EEA1: variants seen among roughly 807,000 people sequenced by gnomAD.
EEA1 encodes early endosome antigen 1, 162kD.
EEA1 carries 111 observed loss-of-function variants against 209.2 expected under a neutral mutation model. The observed-to-expected ratio is 0.53, with a 90% CI of 0.45 to 0.62. The LOEUF (loss-of-function observed/expected upper bound fraction) is 0.62, where lower values mean the gene tolerates loss of function less well. Among genes scored for constraint, EEA1 ranks in the 20% least tolerant of loss-of-function variants. The pLI is 0.00. For synonymous variants in EEA1, 536 were observed against 540.6 expected, an observed-to-expected ratio of 0.99 and a Z score of 0.12; for missense variants, 1,343 against 1,530.8, an observed-to-expected ratio of 0.88 and a Z score of 2.05.
At chr12:92,789,628 C>G (rs1874306069) in intron 21 of EEA1, among the ~76,000 whole-genome samples, 1 of 152,170 alleles carries the variant, frequency 6.6e-6, no homozygotes, top group Non-Finnish European at 1.5e-5. Context: ...GAAGCTCGAA[C>G]TGGGTGGAGC....
intron 2 of EEA1, among the ~76,000 whole-genome samples, chr12:92,889,935 AG>A (rs376007826): frequency 6.6e-6 from 1 of 152,170 alleles, no homozygotes; most frequent in African/African-American, 2.4e-5. Flanking sequence ...AGAAAGAAGA[AG>A]ATACACAAAA....
At chr12:92,861,498 CT>C (rs1490756709) in intron 3 of EEA1, among the ~76,000 whole-genome samples, 2 of 152,142 alleles carry the variant, frequency 1.3e-5, no homozygotes, top group Non-Finnish European at 2.9e-5. Flanking sequence ...ATATCTTCCC[CT>C]GCTGGATTCA....
rs1489462764 is a variant in EEA1 at position 92,773,249 on chromosome 12, G to A, written c.*2762C>T. 6.6e-6 allele frequency: 1 copy of A among 151,680 alleles called. No individual in the cohort carries two copies. The highest frequency in any genetic ancestry group is 1.5e-5 in the Non-Finnish European group (1 of 67,580). 9.4% of individuals were successfully genotyped at this position (151,680 alleles called of 1,614,324 possible). ...GCTAAACATTTTTATGCAAATGTAA[G>A]GTTAAAAAAAAGTGGCTTTAAAGTT... On this transcript the variant is annotated 3_prime_UTR_variant, in exon 29 of 29. Transcript: ENST00000322349.
chr12:92,858,668 T>C, intron 3 of EEA1: 2 of 737,838 alleles, frequency 2.7e-6, no homozygotes, highest in East Asian at 2.7e-5. Context: ...TGAGGTGCTA[T>C]GCTTCCCATC....
intron 1 of EEA1, among the ~76,000 whole-genome samples, chr12:92,903,130 G>T (rs796956005): frequency 4.3e-4 from 65 of 151,396 alleles, no homozygotes; most frequent in African/African-American, 1.6e-3. Context: ...GTAGAGACAG[G>T]GTTTCACCGT....
chr12:92,867,596 GC>G (rs1200354207), intron 2 of EEA1, among the ~76,000 whole-genome samples: 2 of 152,094 alleles, frequency 1.3e-5, no homozygotes, highest in Non-Finnish European at 2.9e-5. Context: ...GAATGCTGAT[GC>G]CAAAAAATGT....
chr12:92,789,452 T>A (rs1874295703), intron 21 of EEA1, among the ~76,000 whole-genome samples: 1 of 152,094 alleles, frequency 6.6e-6, no homozygotes. Context: ...CTTATATCCA[T>A]GTATCTTCCT....
At chr12:92,788,121 G>A in intron 21 of EEA1, 72 bp from the exon 22 acceptor site, 1 of 1,302,582 alleles carries the variant, frequency 7.7e-7, no homozygotes, top group African/African-American at 1.5e-5. Context: ...GTAAAATCCA[G>A]ACAACTAGAA....
At chr12:92,837,452 G>C (rs910216200) in intron 10 of EEA1, among the ~76,000 whole-genome samples, 6 of 152,222 alleles carry the variant, frequency 3.9e-5, no homozygotes, top group South Asian at 2.1e-4. Context: ...GCATGTGAGC[G>C]TCTTAGAACT....
chr12:92,816,129 A>G, intron 15 of EEA1, 71 bp downstream of exon 15: 1 of 1,369,406 alleles, frequency 7.3e-7, no homozygotes, highest in South Asian at 1.3e-5. Context: ...GTAAAAAGAG[A>G]TAGAAACAGA....
At chr12:92,863,493 G>A (rs903542311) in intron 3 of EEA1, among the ~76,000 whole-genome samples, 11 of 152,316 alleles carry the variant, frequency 7.2e-5, no homozygotes, top group Non-Finnish European at 1.5e-4. Context: ...AGCCCCAGAT[G>A]AGCTCCCAGC....
intron 21 of EEA1, among the ~76,000 whole-genome samples, chr12:92,790,662 G>T (rs1874360632): frequency 1.3e-5 from 2 of 152,220 alleles, no homozygotes. Context: ...GTACCTGAAG[G>T]TGATGGGGAG....
chr12:92,924,365 G>A (rs1347094861), intron 1 of EEA1, among the ~76,000 whole-genome samples: 2 of 151,702 alleles, frequency 1.3e-5, no homozygotes, highest in Non-Finnish European at 2.9e-5. Context: ...CCGCCACCAC[G>A]CCCAGCTAAT....
chr12:92,792,833 G>C (rs1874472755), intron 21 of EEA1, among the ~76,000 whole-genome samples: 1 of 152,142 alleles, frequency 6.6e-6, no homozygotes, highest in Non-Finnish European at 1.5e-5. Context: ...AACTAAAAAA[G>C]AGAATTTGAG....
chr12:92,793,142 G>A (rs974304484), intron 21 of EEA1, among the ~76,000 whole-genome samples: 1 of 152,036 alleles, frequency 6.6e-6, no homozygotes, highest in Non-Finnish European at 1.5e-5. Context: ...AAAATAACAA[G>A]AACTACTTAT....
intron 10 of EEA1, among the ~76,000 whole-genome samples, chr12:92,836,615 C>G (rs1283387979): frequency 1.3e-5 from 2 of 152,162 alleles, no homozygotes; most frequent in African/African-American, 4.8e-5. Context: ...TACATATGCT[C>G]TTACATTGTT....
intron 8 of EEA1, 23 bp from the exon 9 acceptor site, chr12:92,851,289 T>A (rs1208864436): frequency 4.4e-6 from 7 of 1,589,632 alleles, no homozygotes; most frequent in Non-Finnish European, 6.0e-6. Context: ...ACATTTTAAT[T>A]AAAAATTAAA....
At chr12:92,819,788 T>C (rs1386038945) in intron 13 of EEA1, among the ~76,000 whole-genome samples, 2 of 152,138 alleles carry the variant, frequency 1.3e-5, no homozygotes, top group Non-Finnish European at 2.9e-5. Flanking sequence ...ACTACTCTTT[T>C]TCTGACCCTG....
At chr12:92,790,918 A>T (rs1592703694) in intron 21 of EEA1, among the ~76,000 whole-genome samples, 1 of 152,200 alleles carries the variant, frequency 6.6e-6, no homozygotes, top group Non-Finnish European at 1.5e-5. Context: ...GACTAACAGC[A>T]GATCTCTCGA....
Sources: allele counts gnomAD v4.1 joint callset (sites outside exome capture counted in the v4.1 genomes callset), GRCh38; gene constraint gnomAD v4.1.1; transcripts MANE v1.5; gene names NCBI Gene and HGNC (gene_info 2026-07-23, HGNC 2026-07-21).